CDH12: variants seen among roughly 807,000 people sequenced by gnomAD.
The protein encoded by CDH12 is cadherin 12.
In CDH12, 41 loss-of-function variants were observed where a neutral mutation model predicts 74.1. That is an observed-to-expected ratio of 0.55 (90% CI 0.43 to 0.72). CDH12 has a LOEUF of 0.72. Ranked by LOEUF, CDH12 falls within the 30% of genes least tolerant of loss-of-function variation. The pLI is 0.00. For synonymous variants in CDH12, 399 were observed against 355.0 expected (o/e 1.12, Z -1.39); for missense variants, 945 against 977.2 (o/e 0.97, Z 0.44).
At chr5:22,758,028 G>C (rs80012552) in intron 1 of CDH12, among the ~76,000 whole-genome samples, 134 of 152,236 alleles carry the variant, frequency 8.8e-4, no homozygotes, top group African/African-American at 3.2e-3. Context: ...CTTTAAATCT[G>C]TCTGCTCTTT....
At chr5:22,813,234 A>T (rs953730151) in intron 1 of CDH12, among the ~76,000 whole-genome samples, 1 of 152,220 alleles carries the variant, frequency 6.6e-6, no homozygotes. Context: ...AGCCTATATT[A>T]TGAAGGACAA....
rs117293931 is a variant in CDH12 at position 22,349,757 on chromosome 5, C to A, written c.-333+55500G>T. ...CTTTAGCTAATCTTTTTTTTTGAGACGGAGTCTGGCTCTGTCGCCCAGGCT... is the reference window on the plus strand; with the variant it reads ...CTTTAGCTAATCTTTTTTTTTGAGAAGGAGTCTGGCTCTGTCGCCCAGGCT... On this transcript the variant is annotated intron_variant, in intron 3 of 14. Transcript: ENST00000382254. Among the ~76,000 whole-genome samples the A allele has an allele frequency of 5.9e-4, 89 of 152,042 alleles. No individual in the cohort carries two copies. In the East Asian group the frequency reaches 0.014, roughly 23 times the overall value.
chr5:22,192,153 C>T (rs1359227809), intron 4 of CDH12, among the ~76,000 whole-genome samples: 1 of 151,940 alleles, frequency 6.6e-6, no homozygotes, highest in African/African-American at 2.4e-5. Context: ...AGGATGGTCT[C>T]AAACTCCTGG....
At chr5:22,091,197 G>A (rs375937677) in intron 4 of CDH12, among the ~76,000 whole-genome samples, 70 of 132,242 alleles carry the variant, frequency 5.3e-4, no homozygotes, top group South Asian at 1.6e-3. Flanking sequence ...GTGTGTGTGT[G>A]TATATATATA....
At chr5:21,855,938 T>C (rs376369890) in intron 6 of CDH12, among the ~76,000 whole-genome samples, 8 of 151,720 alleles carry the variant, frequency 5.3e-5, no homozygotes, top group East Asian at 3.9e-4. Context: ...CAATAACTTT[T>C]TGTAGACATT....
chr5:22,236,604 G>C (rs1009422592), intron 3 of CDH12, among the ~76,000 whole-genome samples: 1 of 152,002 alleles, frequency 6.6e-6, no homozygotes, highest in Admixed American at 6.6e-5. Context: ...AAAATTAGCT[G>C]GACATTCTAG....
At chr5:22,654,591 C>T (rs1739927908) in intron 1 of CDH12, among the ~76,000 whole-genome samples, 1 of 149,834 alleles carries the variant, frequency 6.7e-6, no homozygotes, top group African/African-American at 2.5e-5. Flanking sequence ...CATCCGGCCT[C>T]GATGTATTCT....
At chr5:22,189,852 C>CT (rs1750168046) in intron 4 of CDH12, among the ~76,000 whole-genome samples, 1 of 151,796 alleles carries the variant, frequency 6.6e-6, no homozygotes, top group African/African-American at 2.4e-5. Flanking sequence ...CCACATCTTC[C>CT]CCCCGCCTAT....
At chr5:22,748,717 C>G (rs370633189) in intron 1 of CDH12, among the ~76,000 whole-genome samples, 2 of 152,048 alleles carry the variant, frequency 1.3e-5, no homozygotes, top group African/African-American at 4.8e-5. Flanking sequence ...GAGACTGTAG[C>G]GATTGTAATG....
chr5:21,887,180 T>G (rs1443714175), intron 6 of CDH12, among the ~76,000 whole-genome samples: 1 of 152,162 alleles, frequency 6.6e-6, no homozygotes, highest in Non-Finnish European at 1.5e-5. Flanking sequence ...TCTTTCTCTC[T>G]CCACTTTAGA....
intron 1 of CDH12, among the ~76,000 whole-genome samples, chr5:22,562,793 A>G (rs1739116412): frequency 6.6e-6 from 1 of 150,982 alleles, no homozygotes; most frequent in African/African-American, 2.4e-5. Flanking sequence ...AACATAGAAG[A>G]TAATTATTTT....
intron 1 of CDH12, among the ~76,000 whole-genome samples, chr5:22,552,362 C>T (rs1369232727): frequency 6.6e-6 from 1 of 151,946 alleles, no homozygotes; most frequent in African/African-American, 2.4e-5. Context: ...ATTTAATTCA[C>T]TGCCTAGCAT....
intron 3 of CDH12, among the ~76,000 whole-genome samples, chr5:22,328,231 T>A (rs949055206): frequency 6.6e-6 from 1 of 152,214 alleles, no homozygotes; most frequent in Non-Finnish European, 1.5e-5. Context: ...AAAAAATATA[T>A]GTTTAGGATT....
At chr5:21,799,942 G>T (rs1747017506) in intron 10 of CDH12, among the ~76,000 whole-genome samples, 1 of 152,148 alleles carries the variant, frequency 6.6e-6, no homozygotes, top group Non-Finnish European at 1.5e-5. Flanking sequence ...GAGTCCAAAA[G>T]TGGGACATCC....
intron 3 of CDH12, among the ~76,000 whole-genome samples, chr5:22,397,190 T>C (rs13355159): frequency 0.27 from 41,338 of 151,876 alleles, 5,696 homozygotes; most frequent in East Asian, 0.35. Context: ...ATTCCACAAA[T>C]ATTCTCTCAA....
In CDH12 at chr5:22,262,833, T is replaced by C; in HGVS notation, c.-332-50190A>G. Reference sequence around the variant, plus strand: ...CTAACTGGTGTGAGATGGTATCTCATAGTGGGATCTAATTAAAATAAAGAG... The same window carrying C: ...CTAACTGGTGTGAGATGGTATCTCACAGTGGGATCTAATTAAAATAAAGAG... On this transcript the variant is annotated intron_variant, in intron 3 of 14. Transcript: ENST00000382254. Among the ~76,000 whole-genome samples, 2 of 151,960 alleles carry C rather than the reference T, an allele frequency of 1.3e-5. 1 individual carries two copies. Among genetic ancestry groups the C allele is most frequent in the Non-Finnish European group, 2.9e-5 (2 of 67,986 alleles).
intron 3 of CDH12, among the ~76,000 whole-genome samples, chr5:22,369,473 A>G (rs1336873868): frequency 1.3e-5 from 2 of 152,194 alleles, no homozygotes; most frequent in Non-Finnish European, 2.9e-5. Flanking sequence ...TAATTCCCTG[A>G]ACAACAAGGT....
At chr5:22,389,311 A>C (rs1742131762) in intron 3 of CDH12, among the ~76,000 whole-genome samples, 1 of 152,174 alleles carries the variant, frequency 6.6e-6, no homozygotes, top group African/African-American at 2.4e-5. Context: ...TTACTTTTCA[A>C]GTAAGAATAA....
chr5:22,009,939 C>CAAAAAAAAAAAAAAAAAAAAAAA (rs774589642), intron 5 of CDH12, among the ~76,000 whole-genome samples: 3 of 54,312 alleles, frequency 5.5e-5, no homozygotes, highest in African/African-American at 1.1e-4. Context: ...GAAACTGTCT[C>CAAAAAAAAAAAAAAAAAAAAAAA]AAAAAAAAAA....
Sources: allele counts gnomAD v4.1 joint callset (sites outside exome capture counted in the v4.1 genomes callset), GRCh38; gene constraint gnomAD v4.1.1; transcripts MANE v1.5; gene names NCBI Gene and HGNC (gene_info 2026-07-23, HGNC 2026-07-21).